Variants in NELL1 observed in about 807,000 individuals in gnomAD.
NELL1 encodes protein kinase C-binding protein NELL1.
NELL1 carries 76 observed loss-of-function variants against 107.4 expected under a neutral mutation model. The observed-to-expected ratio is 0.71, with a 90% CI of 0.59 to 0.86. The LOEUF (loss-of-function observed/expected upper bound fraction) is 0.86. NELL1 is among the 40% of genes least tolerant of loss of function. The probability of loss-of-function intolerance (pLI) is 0.00; values close to 1 mark genes in which losing one functional copy is unlikely to be tolerated. For missense variants in NELL1, 1,024 were observed against 1,005.5 expected, an observed-to-expected ratio of 1.02 and a Z score of -0.25; for synonymous variants, 353 against 341.2, an observed-to-expected ratio of 1.03 and a Z score of -0.38.
chr11:20,704,335 T>C (rs1854881491), intron 2 of NELL1, among the ~76,000 whole-genome samples: 1 of 152,210 alleles, frequency 6.6e-6, no homozygotes, highest in Non-Finnish European at 1.5e-5. Flanking sequence ...ACCCTTGCTT[T>C]TTTTTGTTTT....
At chr11:21,099,209 A>G (rs980147825) in intron 12 of NELL1, among the ~76,000 whole-genome samples, 2 of 139,126 alleles carry the variant, frequency 1.4e-5, no homozygotes, top group Admixed American at 7.2e-5. Context: ...ACACACACAC[A>G]CACACACACA....
chr11:20,884,013 T>A (rs1045682583), intron 4 of NELL1, among the ~76,000 whole-genome samples: 8 of 152,216 alleles, frequency 5.3e-5, no homozygotes, highest in African/African-American at 1.9e-4. Context: ...TAGGAAAACT[T>A]ATTTTTTCCT....
chr11:21,139,169 TTCTTTGGAAAGTAAGAGTGTGG>T (rs1256580949), intron 13 of NELL1, among the ~76,000 whole-genome samples: 1 of 152,342 alleles, frequency 6.6e-6, no homozygotes, highest in East Asian at 1.9e-4. Flanking sequence ...GAAGAGGACC[TTCTTTGGAAAGTAAGAGTGTGG>T]TCTTTTTCTT....
chr11:20,719,834 C>T (rs1244420381), intron 2 of NELL1, among the ~76,000 whole-genome samples: 1 of 152,112 alleles, frequency 6.6e-6, no homozygotes, highest in Non-Finnish European at 1.5e-5. Context: ...ATGGTATGTA[C>T]CAGGAACCAT....
chr11:20,780,146 C>T (rs1440887624), intron 2 of NELL1, among the ~76,000 whole-genome samples: 1 of 151,976 alleles, frequency 6.6e-6, no homozygotes, highest in Non-Finnish European at 1.5e-5. Context: ...CTTCAGTGTG[C>T]CAATCATTTT....
intron 2 of NELL1, among the ~76,000 whole-genome samples, chr11:20,698,108 T>C (rs558829512): frequency 1.3e-5 from 2 of 152,326 alleles, no homozygotes; most frequent in South Asian, 2.1e-4. Flanking sequence ...AGTATAACTT[T>C]GCATTTAATC....
At chr11:21,172,694 G>C (rs1856632057) in intron 13 of NELL1, among the ~76,000 whole-genome samples, 1 of 151,556 alleles carries the variant, frequency 6.6e-6, no homozygotes, top group Admixed American at 6.6e-5. Flanking sequence ...ACCATTTATG[G>C]AGTATTTACC....
chr11:21,282,740 C>G (rs1260607626), intron 14 of NELL1, among the ~76,000 whole-genome samples: 2 of 152,048 alleles, frequency 1.3e-5, no homozygotes, highest in Non-Finnish European at 2.9e-5. Context: ...TGTCTCAGCA[C>G]TAGTCACAAT....
intron 13 of NELL1, among the ~76,000 whole-genome samples, chr11:21,137,665 G>A (rs1203694497): frequency 2.0e-5 from 3 of 152,208 alleles, no homozygotes; most frequent in Non-Finnish European, 4.4e-5. Context: ...AAGAATACTT[G>A]AAGGCTAGAT....
chr11:20,910,553 G>C (rs1850106334), intron 5 of NELL1, among the ~76,000 whole-genome samples: 1 of 152,224 alleles, frequency 6.6e-6, no homozygotes, highest in Admixed American at 6.5e-5. Context: ...GTCCCAGGGG[G>C]GCCGTGCTTA....
intron 16 of NELL1, among the ~76,000 whole-genome samples, chr11:21,538,424 C>T (rs1293330127): frequency 6.6e-6 from 1 of 152,058 alleles, no homozygotes; most frequent in Non-Finnish European, 1.5e-5. Flanking sequence ...AAGAAATGGC[C>T]AGTCCTAGTA....
At chr11:20,836,149 T>C (rs535811376) in intron 3 of NELL1, among the ~76,000 whole-genome samples, 31 of 152,086 alleles carry the variant, frequency 2.0e-4, no homozygotes, top group African/African-American at 7.0e-4. Flanking sequence ...ATAGACATCT[T>C]ACTAAAGAAG....
At chr11:21,410,005 T>C (rs1852336936) in intron 15 of NELL1, among the ~76,000 whole-genome samples, 1 of 152,070 alleles carries the variant, frequency 6.6e-6, no homozygotes, top group Admixed American at 6.6e-5. Context: ...TTTATTTATG[T>C]TAAAAATAAT....
chr11:21,118,470 C>T (rs911955473), intron 13 of NELL1, among the ~76,000 whole-genome samples: 9 of 152,006 alleles, frequency 5.9e-5, no homozygotes, highest in African/African-American at 1.9e-4. Context: ...TATTATGTCC[C>T]CACCCATAAC....
At chr11:20,832,621 A>G (rs7933216) in intron 3 of NELL1, among the ~76,000 whole-genome samples, 26,734 of 152,186 alleles carry the variant, frequency 0.18, 3,445 homozygotes, top group East Asian at 0.32. Context: ...ATGGTGATAC[A>G]TCAAACTGCC....
chr11:20,818,365 T>A (rs1320425001), intron 3 of NELL1, among the ~76,000 whole-genome samples: 1 of 151,512 alleles, frequency 6.6e-6, no homozygotes, highest in Non-Finnish European at 1.5e-5. Flanking sequence ...ATGTGGTTGG[T>A]TTGAAGTCTG....
At chr11:21,178,931 A>G (rs1487674640) in intron 13 of NELL1, among the ~76,000 whole-genome samples, 1 of 151,768 alleles carries the variant, frequency 6.6e-6, no homozygotes, top group East Asian at 1.9e-4. Flanking sequence ...AATGGCTTTG[A>G]TATTATGCAT....
chr11:21,506,433 A>C (rs1855280959), intron 15 of NELL1, among the ~76,000 whole-genome samples: 1 of 152,204 alleles, frequency 6.6e-6, no homozygotes, highest in Non-Finnish European at 1.5e-5. Flanking sequence ...TTAAGAAAAT[A>C]ATACAGTATA....
chr11:21,226,650 C>G (rs984814102), intron 13 of NELL1, among the ~76,000 whole-genome samples: 1 of 152,126 alleles, frequency 6.6e-6, no homozygotes, highest in African/African-American at 2.4e-5. Context: ...GGAAAATATG[C>G]TACAATTCCT....
Sources: allele counts gnomAD v4.1 joint callset (sites outside exome capture counted in the v4.1 genomes callset), GRCh38; gene constraint gnomAD v4.1.1; transcripts MANE v1.5; gene names NCBI Gene and HGNC (gene_info 2026-07-23, HGNC 2026-07-21).